Variants in ZNF746 observed in about 807,000 individuals in gnomAD.
ZNF746 encodes parkin-interacting substrate.
ZNF746 carries 13 observed loss-of-function variants against 41.0 expected under a neutral mutation model. The observed-to-expected ratio is 0.32, with a 90% CI of 0.21 to 0.50. The LOEUF (loss-of-function observed/expected upper bound fraction) is 0.50. ZNF746 is among the 20% of genes least tolerant of loss of function. The pLI is 0.98. For missense variants in ZNF746, 811 were observed against 922.9 expected (o/e 0.88, Z 1.57); for synonymous variants, 424 against 396.2 (o/e 1.07, Z -0.83).
chr7:149,489,040 GAAT>G (rs1208005615), intron 4 of ZNF746: 1 of 152,108 alleles, frequency 6.6e-6, no homozygotes, highest in Non-Finnish European at 1.5e-5. Flanking sequence ...CTGAAATACA[GAAT>G]AATGAGTGAT....
chr7:149,493,841 G>T (rs926428347), intron 3 of ZNF746, 148 bp downstream of exon 3: 6 of 1,329,980 alleles, frequency 4.5e-6, no homozygotes, highest in African/African-American at 4.4e-5. Context: ...ATCACCCAGG[G>T]CTCATCCTTC....
intron 5 of ZNF746, 21 bp from the exon 6 acceptor site, chr7:149,477,068 A>G (rs890427718): frequency 6.2e-7 from 1 of 1,606,918 alleles, no homozygotes; most frequent in Non-Finnish European, 8.5e-7. Context: ...GGGAGAGCAG[A>G]GCCGGTGGGT....
intron 6 of ZNF746, among the ~76,000 whole-genome samples, chr7:149,476,163 A>G (rs1431811029): frequency 6.6e-6 from 1 of 151,788 alleles, no homozygotes; most frequent in African/African-American, 2.4e-5. Context: ...AAATACGAAA[A>G]ATTAGCTGGG....
At chr7:149,493,360 T>C (rs1388377087) in intron 3 of ZNF746, among the ~76,000 whole-genome samples, 1 of 152,190 alleles carries the variant, frequency 6.6e-6, no homozygotes, top group Non-Finnish European at 1.5e-5. Context: ...CAACCTCACG[T>C]CTGCACCTGC....
chr7:149,496,994 G>A (rs1801019840), intron 1 of ZNF746: 2 of 985,302 alleles, frequency 2.0e-6, no homozygotes, highest in Non-Finnish European at 2.4e-6. Context: ...TTGCTGTGAG[G>A]ACAGACTAAC....
chr7:149,484,575 A>G (rs1800567676), intron 4 of ZNF746, among the ~76,000 whole-genome samples: 1 of 152,194 alleles, frequency 6.6e-6, no homozygotes, highest in Non-Finnish European at 1.5e-5. Context: ...ATTATACTCA[A>G]TGTGAAAAGT....
In ZNF746 at chr7:149,497,500, G is replaced by C; in HGVS notation, c.24+13C>G. 9.1e-7 allele frequency: 1 copy of C among 1,099,858 alleles called. No homozygotes were observed. Among genetic ancestry groups the C allele is most frequent in the African/African-American group, 1.7e-5 (1 of 59,318 alleles). 68.1% of individuals were successfully genotyped at this position (1,099,858 alleles called of 1,614,324 possible). ...CCAGGCCGCGAGTCCCTGCGCGCGCGGGTCGCCCTTACCGGAGCCGCGACC... is the reference window on the plus strand; with the variant it reads ...CCAGGCCGCGAGTCCCTGCGCGCGCCGGTCGCCCTTACCGGAGCCGCGACC... On this transcript the variant is annotated intron_variant, in intron 1 of 6. Transcript: ENST00000458143. This position sits in a 1 kb window ranked among gnomAD's most constrained non-coding sequence, Gnocchi z 4.2.
At chr7:149,478,118 T>C (rs1169460689) in intron 4 of ZNF746, among the ~76,000 whole-genome samples, 1 of 134,476 alleles carries the variant, frequency 7.4e-6, no homozygotes, top group African/African-American at 2.7e-5. Context: ...CCCAAAACCT[T>C]CCCCCCTCAT....
At chr7:149,484,921 AG>A (rs1800578000) in intron 4 of ZNF746, among the ~76,000 whole-genome samples, 1 of 152,122 alleles carries the variant, frequency 6.6e-6, no homozygotes, top group Non-Finnish European at 1.5e-5. Flanking sequence ...TTCCTTATCA[AG>A]GGTCTTAACA....
rs1800324097 is a variant in ZNF746 at position 149,477,015 on chromosome 7, G to A, written c.790C>T (p.Pro264Ser). The A allele has an allele frequency of 7.4e-6, 12 of 1,613,634 alleles. No individual in the cohort carries two copies. The highest frequency in any genetic ancestry group is 2.2e-5 in the East Asian group (1 of 44,888). ...GGGAGATCCGTTTGCCAGGAGGTGG[G>A]CGGGATGGTGGTGGAAAAGTTGGAA... is the stretch of plus-strand genomic sequence containing the variant. ...VHSNFSTTIPPTSWQTDLPPH... is the reference protein window; with the variant it reads ...VHSNFSTTIPSTSWQTDLPPH... The change falls in exon 6 of 7, where the codon CCC (proline) becomes TCC (serine). Residue 264 changes from proline (P) to serine (S), a missense_variant. Around this residue, in one of 4 missense-constraint regions of ZNF746, gnomAD observed 495 missense variants for 481.6 expected, o/e 1.03. Transcript: ENST00000458143.
intron 1 of ZNF746, among the ~76,000 whole-genome samples, chr7:149,496,289 A>G (rs543405235): frequency 1.3e-5 from 2 of 152,296 alleles, no homozygotes; most frequent in South Asian, 4.1e-4. Flanking sequence ...TCTTCACACT[A>G]TGTGGTGGGA....
At chr7:149,482,036 ACTT>A (rs1259506347) in intron 4 of ZNF746, among the ~76,000 whole-genome samples, 8 of 152,246 alleles carry the variant, frequency 5.3e-5, no homozygotes, top group African/African-American at 1.9e-4. Context: ...AAAAAATGTT[ACTT>A]CAACGTATAA....
intron 4 of ZNF746, chr7:149,491,145 C>T (rs1800792746): frequency 1.3e-5 from 2 of 152,622 alleles, no homozygotes; most frequent in Admixed American, 1.3e-4. Context: ...GGAGTCCTGG[C>T]TTCTCAGACA....
At position 149,497,080 on chromosome 7, in the gene ZNF746, G is replaced by A. The variant is rs855919; in HGVS notation, c.24+433C>T. ...GACCCCGGGAAGCTGGGCACGTAGT[G>A]GGAGTCGGTGTATGCGGATTCGAAG... On this transcript the variant is annotated intron_variant, in intron 1 of 6. Coordinates refer to ENST00000458143, the MANE Select transcript of ZNF746 (RefSeq NM_001394198.1). This position sits in a 1 kb window ranked among gnomAD's most constrained non-coding sequence, Gnocchi z 4.2. 1.6e-5 allele frequency: 16 copies of A among 985,156 alleles called. No individual in the cohort carries two copies. The South Asian group carries it at 5.6e-4, about 35-fold the overall frequency. The allele number at this position is 985,156 out of a possible 1,614,324, so 61.0% of individuals were successfully genotyped here.
chr7:149,477,928 G>A (rs1800367447), intron 4 of ZNF746, 173 bp from the exon 5 acceptor site: 5 of 533,538 alleles, frequency 9.4e-6, no homozygotes, highest in Non-Finnish European at 1.6e-5. Flanking sequence ...CAGAGCCTGA[G>A]GTCACATGGT....
chr7:149,480,560 G>C lies in ZNF746; in HGVS notation c.566-2805C>G, dbSNP rs371771378. Among the ~76,000 whole-genome samples the C allele has an allele frequency of 1.6e-4, 25 of 152,194 alleles. No homozygotes were observed. In the South Asian group the frequency reaches 4.6e-3, roughly 28 times the overall value. ...CAATTCTCCTGCCTCAGCCTCCCCAGTAGCACTGGGACTACAGGTGCATGC... is the reference window on the plus strand; with the variant it reads ...CAATTCTCCTGCCTCAGCCTCCCCACTAGCACTGGGACTACAGGTGCATGC... On this transcript the variant is annotated intron_variant, in intron 4 of 6. Transcript: ENST00000458143.
intron 4 of ZNF746, chr7:149,491,746 C>A: frequency 1.6e-6 from 1 of 621,088 alleles, no homozygotes. Context: ...CAGTGTCAGA[C>A]GAAAGGGAAA....
intron 4 of ZNF746, among the ~76,000 whole-genome samples, chr7:149,483,582 G>A (rs1800541825): frequency 6.6e-6 from 1 of 151,806 alleles, no homozygotes; most frequent in Non-Finnish European, 1.5e-5. Context: ...ACTCCAGCCT[G>A]GCGACAGAGC....
At chr7:149,493,533 T>C (rs1800883472) in intron 3 of ZNF746, among the ~76,000 whole-genome samples, 1 of 152,230 alleles carries the variant, frequency 6.6e-6, no homozygotes, top group South Asian at 2.1e-4. Context: ...AAGCAAAGTT[T>C]TGAGGCATGA....
Sources: gnomAD v4.1 joint callset for allele counts (sites outside exome capture counted in the v4.1 genomes callset) on GRCh38, gnomAD v4.1.1 for gene constraint, gnomAD v4.1.1 regional missense constraint, Gnocchi (gnomAD v3.1) non-coding constraint, MANE v1.5 for transcripts, NCBI Gene and HGNC (gene_info 2026-07-23, HGNC 2026-07-21) for gene names.